The following THRA variants were observed in gnomAD, a reference collection of about 807,000 sequenced individuals.
THRA encodes the protein EAR-7.
THRA carries 13 observed loss-of-function variants against 45.0 expected under a neutral mutation model. That is an observed-to-expected ratio of 0.29 (90% CI 0.19 to 0.46). THRA has a LOEUF of 0.46. Among genes scored for constraint, THRA ranks in the 20% least tolerant of loss-of-function variants. The probability of loss-of-function intolerance (pLI) is 1.00; values close to 1 mark genes in which losing one functional copy is unlikely to be tolerated. For synonymous variants in THRA, 195 were observed against 214.0 expected, an observed-to-expected ratio of 0.91 and a Z score of 0.78; for missense variants, 278 against 556.1, an observed-to-expected ratio of 0.50 and a Z score of 5.03.
intron 1 of THRA, among the ~76,000 whole-genome samples, chr17:40,073,034 G>A (rs930550129): frequency 1.4e-4 from 22 of 152,224 alleles, no homozygotes; most frequent in Non-Finnish European, 3.1e-4. Context: ...GCCCCGTTCT[G>A]CTGCTGGCCC....
Position 40,076,941 on chromosome 17 carries a change from G to T in THRA, c.121+3G>T. On this transcript the variant is annotated splice_donor_region_variant and intron_variant, in intron 3 of 8. Transcript: ENST00000450525. ...TTCCCTGAAAACCAGCATGTCAGGT[G>T]AGGCTGGCTGTGCGTGCCCCTTCTC... is the stretch of plus-strand genomic sequence containing the variant. 1 of 1,613,944 alleles carries T rather than the reference G, an allele frequency of 6.2e-7. No individual in the cohort carries two copies. The highest frequency in any genetic ancestry group is 8.5e-7 in the Non-Finnish European group (1 of 1,179,906).
At chr17:40,085,070 G>A (rs551963965) in intron 6 of THRA, among the ~76,000 whole-genome samples, 5 of 152,198 alleles carry the variant, frequency 3.3e-5, no homozygotes, top group African/African-American at 9.7e-5. Context: ...GAGCGGGAGC[G>A]ACCTTTCTTC....
At chr17:40,069,239 C>T (rs955969918) in intron 1 of THRA, among the ~76,000 whole-genome samples, 2 of 150,354 alleles carry the variant, frequency 1.3e-5, no homozygotes, top group African/African-American at 4.9e-5. Flanking sequence ...CCCCTTCCTC[C>T]CTCCTTCCTA....
chr17:40,082,615 G>A (rs1433221111), intron 4 of THRA, among the ~76,000 whole-genome samples: 1 of 152,098 alleles, frequency 6.6e-6, no homozygotes, highest in East Asian at 1.9e-4. Context: ...GCCCGCCTGG[G>A]CCTCCCAAAG....
chr17:40,073,065 C>T (rs983428531), intron 1 of THRA, among the ~76,000 whole-genome samples: 1 of 152,228 alleles, frequency 6.6e-6, no homozygotes, highest in African/African-American at 2.4e-5. Context: ...CCTGACTTAT[C>T]TCCCTCTCTC....
intron 7 of THRA, among the ~76,000 whole-genome samples, chr17:40,087,432 A>ACC (rs1303435131): frequency 2.0e-5 from 3 of 151,006 alleles, no homozygotes; most frequent in African/African-American, 7.3e-5. Flanking sequence ...ACACACACAC[A>ACC]CCTAGCAGAC....
rs1439416737 is a variant in THRA at position 40,074,356 on chromosome 17, C to G, written c.-133C>G. On this transcript the variant is annotated 5_prime_UTR_variant, in exon 2 of 9. Coordinates refer to ENST00000450525, the MANE Select transcript of THRA (RefSeq NM_199334.5). ...TGGTGTGAAAGGCCAAGTGCTGAGG[C>G]GGGTATCATGGGTGCTGTGCCCTAG... 1.1e-6 allele frequency: 1 copy of G among 920,444 alleles called. No individual in the cohort carries two copies. The highest frequency in any genetic ancestry group is 1.7e-6 in the Non-Finnish European group (1 of 584,214). The allele number at this position is 920,444 out of a possible 1,614,324, so 57.0% of individuals were successfully genotyped here.
At position 40,089,946 on chromosome 17, in the gene THRA, C is replaced by G; in HGVS notation, c.*490C>G. The G allele has an allele frequency of 1.0e-6, 1 of 993,748 alleles. No homozygotes were observed. Among genetic ancestry groups the G allele is most frequent in the Non-Finnish European group, 1.2e-6 (1 of 835,052 alleles). 61.6% of individuals were successfully genotyped at this position (993,748 alleles called of 1,614,324 possible). A position where few individuals can be genotyped will look rare whatever the true frequency, so the allele number is the denominator to read the frequency against. On this transcript the variant is annotated 3_prime_UTR_variant, in exon 9 of 9. Transcript: ENST00000450525. The surrounding 1 kb of genome is among the most constrained non-coding windows in gnomAD (Gnocchi z 6.1). ...GTGCAAAGAACGGCTTGGCTTGGCTCCTCCTCTGGAGGTTAAAATTTATAG... is the reference window on the plus strand; with the variant it reads ...GTGCAAAGAACGGCTTGGCTTGGCTGCTCCTCTGGAGGTTAAAATTTATAG...
intron 4 of THRA, among the ~76,000 whole-genome samples, chr17:40,080,435 G>A (rs979429259): frequency 3.3e-5 from 5 of 151,422 alleles, no homozygotes; most frequent in East Asian, 1.9e-4. Context: ...AAAAAAAAAC[G>A]GAAAAAAAGT....
rs368479198 is a variant in THRA, at chr17:40,089,087, C to G, written c.983-119C>G. ...GGGGGAGCTTCTCCCCTCCCCTCCC[C>G]CAGCCTCTCTGCCTCTATCTCCCCT... On this transcript the variant is annotated intron_variant, in intron 8 of 8. Transcript: ENST00000450525. This position sits in a 1 kb window ranked among gnomAD's most constrained non-coding sequence, Gnocchi z 6.1. 6 of 978,802 alleles carry G rather than the reference C, an allele frequency of 6.1e-6. No individual in the cohort carries two copies. Among genetic ancestry groups the G allele is most frequent in the Non-Finnish European group, 7.6e-6 (5 of 659,176 alleles). The allele number at this position is 978,802 out of a possible 1,614,324, so 60.6% of individuals were successfully genotyped here.
chr17:40,093,616 G>GC, downstream of THRA: 1 of 709,854 alleles, frequency 1.4e-6, no homozygotes, highest in East Asian at 2.7e-5. This position sits in a 1 kb window ranked among gnomAD's most constrained non-coding sequence, Gnocchi z 5.9. Context: ...TCTCTGCCTG[G>GC]CAACATCTTA....
At chr17:40,073,452 C>T (rs551291175) in intron 1 of THRA, among the ~76,000 whole-genome samples, 244 of 152,320 alleles carry the variant, frequency 1.6e-3, no homozygotes, top group African/African-American at 5.4e-3. Context: ...GTGAAGTTCT[C>T]GTGCCCTCTT....
chr17:40,073,046 G>C (rs1292467875), intron 1 of THRA, among the ~76,000 whole-genome samples: 1 of 152,208 alleles, frequency 6.6e-6, no homozygotes, highest in Non-Finnish European at 1.5e-5. Flanking sequence ...TGCTGGCCCT[G>C]CCCAATCCCC....
chr17:40,069,349 C>T (rs1211404763), intron 1 of THRA, among the ~76,000 whole-genome samples: 1 of 150,524 alleles, frequency 6.6e-6, no homozygotes, highest in African/African-American at 2.5e-5. Flanking sequence ...CTAGCTCCAG[C>T]CTCTGGGGTG....
Position 40,089,810 on chromosome 17 carries a change from A to G in THRA, c.*354A>G. On this transcript the variant is annotated 3_prime_UTR_variant, in exon 9 of 9. Transcript: ENST00000450525. This position sits in a 1 kb window ranked among gnomAD's most constrained non-coding sequence, Gnocchi z 6.1. Reference sequence around the variant, plus strand: ...GGAAGGAGGAATGTGGGCTGGGGGAAGATGCCCTCAACTCACCCCCTACAC... The same window carrying G: ...GGAAGGAGGAATGTGGGCTGGGGGAGGATGCCCTCAACTCACCCCCTACAC... The G allele has an allele frequency of 2.6e-6, 3 of 1,136,104 alleles. No individual in the cohort carries two copies. The highest frequency in any genetic ancestry group is 3.3e-6 in the Non-Finnish European group (3 of 919,160). The allele number at this position is 1,136,104 out of a possible 1,614,324, so 70.4% of individuals were successfully genotyped here.
Position 40,089,476 on chromosome 17 carries a change from G to A in THRA, c.*20G>A. 6.2e-7 allele frequency: 1 copy of A among 1,612,672 alleles called. No homozygotes were observed. Among genetic ancestry groups the A allele is most frequent in the Non-Finnish European group, 8.5e-7 (1 of 1,179,174 alleles). On this transcript the variant is annotated 3_prime_UTR_variant, in exon 9 of 9. Transcript: ENST00000450525. This position sits in a 1 kb window ranked among gnomAD's most constrained non-coding sequence, Gnocchi z 6.1. Reference sequence around the variant, plus strand: ...GTCTAAAGCCTCAGGCGGCCAGAGGGTGTGCGGAGCTGGTGGGGAGGAGCC... The same window carrying A: ...GTCTAAAGCCTCAGGCGGCCAGAGGATGTGCGGAGCTGGTGGGGAGGAGCC...
intron 4 of THRA, among the ~76,000 whole-genome samples, chr17:40,082,758 CTTTTTTTTTTTT>C (rs920725279): frequency 1.3e-3 from 89 of 67,530 alleles, no homozygotes; most frequent in African/African-American, 5.2e-3. Flanking sequence ...GAATCGCATG[CTTTTTTTTTTTT>C]TTTTTTTTTT....
At chr17:40,075,659 C>T (rs1986927433) in intron 2 of THRA, among the ~76,000 whole-genome samples, 4 of 152,196 alleles carry the variant, frequency 2.6e-5, no homozygotes, top group African/African-American at 7.2e-5. Context: ...GCAACCCCTC[C>T]CCCATCACCT....
In THRA at chr17:40,066,480, A is replaced by G. The variant is rs150141859; in HGVS notation, c.-298+3388A>G. Among the ~76,000 whole-genome samples the G allele has an allele frequency of 1.6e-3, 245 of 152,152 alleles. 2 individuals are homozygous for G. Among genetic ancestry groups the G allele is most frequent in the African/African-American group, 5.5e-3 (230 of 41,516 alleles). On this transcript the variant is annotated intron_variant, in intron 1 of 8. Transcript: ENST00000450525. ...GGAGTTCAAGACCAGTCTGACCAAG[A>G]TGGTGAAACCCCATCTCTACTAAAA...
Sources: gnomAD v4.1 joint callset for allele counts (sites outside exome capture counted in the v4.1 genomes callset) on GRCh38, gnomAD v4.1.1 for gene constraint, Gnocchi (gnomAD v3.1) non-coding constraint, MANE v1.5 for transcripts, NCBI Gene and HGNC (gene_info 2026-07-23, HGNC 2026-07-21) for gene names.